Variants in ZNF292 observed in about 807,000 individuals in gnomAD.
ZNF292 encodes 16 zinc-finger domain protein.
Under a neutral mutation model 217.9 loss-of-function variants are expected in ZNF292, and 26 were observed. The observed-to-expected ratio is 0.12, with a 90% CI of 0.09 to 0.17. ZNF292 has a LOEUF of 0.17. ZNF292 is among the 10% of genes least tolerant of loss of function. ZNF292 has a pLI of 1.00. For synonymous variants in ZNF292, 1,257 were observed against 1,124.1 expected, an observed-to-expected ratio of 1.12 and a Z score of -2.37; for missense variants, 2,904 against 3,175.2, an observed-to-expected ratio of 0.91 and a Z score of 2.05.
chr6:87,202,399 TCTAA>T (rs1425546669), intron 1 of ZNF292, among the ~76,000 whole-genome samples: 1 of 152,224 alleles, frequency 6.6e-6, no homozygotes, highest in African/African-American at 2.4e-5. Flanking sequence ...GGATCTTATA[TCTAA>T]CTACTATACT....
chr6:87,264,632 A>C lies in ZNF292; in HGVS notation c.*2831A>C, dbSNP rs1582541639. ...TGGTTCAGGGGGACAAGGGAATTCC[A>C]GACTTGGGGGTAGAGCGTAATTGCG... On this transcript the variant is annotated 3_prime_UTR_variant, in exon 8 of 8. Coordinates refer to ENST00000369577, the MANE Select transcript of ZNF292 (RefSeq NM_015021.3). 6.6e-6 allele frequency among the ~76,000 whole-genome samples: 1 copy of C among 152,180 alleles called. No homozygotes were observed. Among genetic ancestry groups the C allele is most frequent in the African/African-American group, 2.4e-5 (1 of 41,454 alleles).
At chr6:87,205,050 G>T (rs757020594) in intron 1 of ZNF292, among the ~76,000 whole-genome samples, 4 of 152,036 alleles carry the variant, frequency 2.6e-5, no homozygotes, top group South Asian at 2.1e-4. Flanking sequence ...GTTTCCTAAA[G>T]AATTGTTTGC....
At chr6:87,233,644 A>G (rs1773761160) in intron 5 of ZNF292, 117 bp downstream of exon 5, 2 of 1,462,150 alleles carry the variant, frequency 1.4e-6, no homozygotes, top group African/African-American at 2.9e-5. Context: ...TCAATCTTAC[A>G]TTTTTGGTAT....
At chr6:87,252,072 T>C (rs1299740484) in intron 7 of ZNF292, among the ~76,000 whole-genome samples, 1 of 152,170 alleles carries the variant, frequency 6.6e-6, no homozygotes, top group African/African-American at 2.4e-5. Flanking sequence ...AAAATAGTTA[T>C]ATTCTGCAAG....
intron 4 of ZNF292, among the ~76,000 whole-genome samples, chr6:87,232,735 CGA>C (rs1773715988): frequency 8.1e-5 from 2 of 24,792 alleles, no homozygotes; most frequent in African/African-American, 7.2e-4. Flanking sequence ...TATCCTTTGG[CGA>C]AGTTTTATCC....
chr6:87,249,563 C>T (rs1223174938), intron 7 of ZNF292: 1 of 160,736 alleles, frequency 6.2e-6, no homozygotes, highest in Non-Finnish European at 1.4e-5. Flanking sequence ...GAGGTTTTAT[C>T]TTAAAACTAG....
Position 87,261,610 on chromosome 6 carries a change from C to A in ZNF292, c.7981C>A (p.Gln2661Lys). Residue 2661 changes from glutamine (Q) to lysine (K), a missense_variant, in exon 8 of 8, where the codon CAG (glutamine) becomes AAG (lysine). Physicochemically the swap from Gln to Lys is moderately conservative, Grantham distance 53. Around this residue, in one of 15 missense-constraint regions of ZNF292, gnomAD observed 380 missense variants for 355.3 expected, o/e 1.07. Transcript: ENST00000369577. ...FVQFANPSQLQCSDNVKIVLD... is the reference protein window; with the variant it reads ...FVQFANPSQLKCSDNVKIVLD... The stretch of plus-strand genomic sequence containing the variant: ...ACAGTTTGCCAATCCATCACAGCTT[C>A]AGTGCAGTGATAATGTAAAAATTGT... 2 of 1,610,914 alleles carry A rather than the reference C, an allele frequency of 1.2e-6. No individual in the cohort carries two copies. The highest frequency in any genetic ancestry group is 2.2e-5 in the South Asian group (2 of 90,734).
In ZNF292 at chr6:87,262,092, T is replaced by C. The variant is rs1005846178; in HGVS notation, c.*291T>C. 3.4e-5 allele frequency: 7 copies of C among 207,782 alleles called. No individual in the cohort carries two copies. Among genetic ancestry groups the C allele is most frequent in the Non-Finnish European group, 4.8e-5 (5 of 103,248 alleles). 12.9% of individuals were successfully genotyped at this position (207,782 alleles called of 1,614,324 possible). A position where few individuals can be genotyped will look rare whatever the true frequency, so the allele number is the denominator to read the frequency against. On this transcript the variant is annotated 3_prime_UTR_variant, in exon 8 of 8. Transcript: ENST00000369577. ...ATGAACTAAACAATTATCTGTGTGA[T>C]TGGTATGTTTCACCAGGTCACTGCT...
chr6:87,226,463 G>A (rs888003043), intron 4 of ZNF292, among the ~76,000 whole-genome samples: 3 of 151,398 alleles, frequency 2.0e-5, no homozygotes, highest in Non-Finnish European at 2.9e-5. Context: ...AGGTAAATAG[G>A]GTGAGGTCAG....
intron 4 of ZNF292, among the ~76,000 whole-genome samples, chr6:87,230,327 G>C (rs1211708174): frequency 6.6e-6 from 1 of 152,162 alleles, no homozygotes; most frequent in Non-Finnish European, 1.5e-5. Flanking sequence ...AGTGTAACCT[G>C]TGGTACATAG....
At chr6:87,251,990 G>A (rs1176794716) in intron 7 of ZNF292, among the ~76,000 whole-genome samples, 1 of 152,154 alleles carries the variant, frequency 6.6e-6, no homozygotes, top group East Asian at 1.9e-4. Context: ...GATGTGTCTT[G>A]TGAGCAATAA....
intron 1 of ZNF292, among the ~76,000 whole-genome samples, chr6:87,156,104 C>T (rs899105122): frequency 5.3e-5 from 8 of 152,210 alleles, no homozygotes; most frequent in African/African-American, 9.6e-5. Flanking sequence ...TCTTCCTCCT[C>T]CTCCTTTTAT....
In ZNF292 at chr6:87,183,244, C is replaced by T. The variant is rs139655929; in HGVS notation, c.168+27485C>T. Among the ~76,000 whole-genome samples the T allele has an allele frequency of 6.9e-3, 1,057 of 152,216 alleles. 17 individuals carry two copies. Among genetic ancestry groups the T allele is most frequent in the African/African-American group, 0.023 (953 of 41,544 alleles). On this transcript the variant is annotated intron_variant, in intron 1 of 7. Coordinates refer to ENST00000369577, the MANE Select transcript of ZNF292 (RefSeq NM_015021.3). Reference sequence around the variant, plus strand: ...GGAAGTTTATAATTACAAAGAGCCGCATCTAATAATCTTAAAGGCAAATAG... The same window carrying T: ...GGAAGTTTATAATTACAAAGAGCCGTATCTAATAATCTTAAAGGCAAATAG...
rs1171083256 is a variant in ZNF292, at chr6:87,256,031, C to T, written c.2402C>T (p.Ala801Val). ...GCTTATTTACTATATGATCATGAAG[C>T]ACAACATTATAATACGTACACTTGT... ...SEAYLLYDHE[A>V]QHYNTYTCKF... The change falls in exon 8 of 8, where the codon GCA becomes GTA. Residue 801 changes from alanine to valine, a missense_variant. By Grantham distance (64) the Ala-to-Val change is moderately conservative. This residue lies in a region of ZNF292 where 216 missense variants were observed against 308.3 expected (regional missense o/e 0.70). Coordinates refer to ENST00000369577, the MANE Select transcript of ZNF292 (RefSeq NM_015021.3). 2 of 1,607,908 alleles carry T rather than the reference C, an allele frequency of 1.2e-6. No homozygotes were observed. The highest frequency in any genetic ancestry group is 8.5e-7 in the Non-Finnish European group (1 of 1,176,634).
rs776462884 is a variant in ZNF292 at position 87,257,324 on chromosome 6, A to G, written c.3695A>G (p.Glu1232Gly). The change falls in exon 8 of 8, where the codon GAA (glutamate) becomes GGA (glycine). Residue 1232 changes from glutamate (E) to glycine (G), a missense_variant. Physicochemically the swap from Glu to Gly is moderately conservative, Grantham distance 98. Transcript: ENST00000369577. ...EQGGMLCSQMENLPSTALPAQ... is the reference protein window; with the variant it reads ...EQGGMLCSQMGNLPSTALPAQ... ...GGTGGTATGTTATGTTCCCAAATGG[A>G]AAATTTACCTAGTACTGCCTTGCCA... 2 of 1,613,728 alleles carry G rather than the reference A, an allele frequency of 1.2e-6. No homozygotes were observed. The highest frequency in any genetic ancestry group is 1.7e-5 in the Admixed American group (1 of 59,922).
rs943783828 is a variant in ZNF292 at position 87,213,426 on chromosome 6, C to T, written c.169-2477C>T. Among the ~76,000 whole-genome samples, 5 of 152,258 alleles carry T rather than the reference C, an allele frequency of 3.3e-5. No individual in the cohort carries two copies. The Middle Eastern group carries it at 0.014, about 414-fold the overall frequency. On this transcript the variant is annotated intron_variant, in intron 1 of 7. Transcript: ENST00000369577. ...CAGGGGAGGGGAAGGAGTTCTTGTT[C>T]CTGACGCAGGTATCCCCTACTGCTG... is the stretch of plus-strand genomic sequence containing the variant.
intron 4 of ZNF292, among the ~76,000 whole-genome samples, chr6:87,227,394 C>G (rs1254788776): frequency 6.6e-6 from 1 of 151,690 alleles, no homozygotes; most frequent in Non-Finnish European, 1.5e-5. Context: ...TTTTTTTTGA[C>G]CAACAATGCT....
chr6:87,165,397 C>T, intron 1 of ZNF292, among the ~76,000 whole-genome samples: 1 of 152,166 alleles, frequency 6.6e-6, no homozygotes, highest in East Asian at 1.9e-4. Context: ...GTAAACACTT[C>T]TGGTCCCAAG....
intron 5 of ZNF292, among the ~76,000 whole-genome samples, chr6:87,238,633 GTATTTATTTTTTT>G (rs1290095147): frequency 1.4e-4 from 15 of 103,798 alleles, no homozygotes; most frequent in Middle Eastern, 5.0e-3. Flanking sequence ...TTTTCAGTAA[GTATTTATTTTTTT>G]TATTTTTTTA....
Sources: allele counts gnomAD v4.1 joint callset (sites outside exome capture counted in the v4.1 genomes callset), GRCh38; gene constraint gnomAD v4.1.1; regional missense constraint gnomAD v4.1.1; transcripts MANE v1.5; gene names NCBI Gene and HGNC (gene_info 2026-07-23, HGNC 2026-07-21).